Variants in DAB1 observed in about 807,000 individuals in gnomAD.
The protein encoded by DAB1 is disabled homolog 1.
DAB1 carries 15 observed loss-of-function variants against 64.6 expected under a neutral mutation model. The observed-to-expected ratio is 0.23, with a 90% CI of 0.16 to 0.36. The LOEUF is 0.36. Ranked by LOEUF, DAB1 falls within the 10% of genes least tolerant of loss-of-function variation. The probability of loss-of-function intolerance (pLI) is 1.00; values close to 1 mark genes in which losing one functional copy is unlikely to be tolerated. For synonymous variants in DAB1, 235 were observed against 251.9 expected, an observed-to-expected ratio of 0.93 and a Z score of 0.64; for missense variants, 596 against 706.7, an observed-to-expected ratio of 0.84 and a Z score of 1.78.
chr1:57,790,833 A>C (rs1650562286), intron 6 of DAB1, among the ~76,000 whole-genome samples: 1 of 152,150 alleles, frequency 6.6e-6, no homozygotes, highest in African/African-American at 2.4e-5. Flanking sequence ...TTCCTCAATA[A>C]ACTGGTTTTA....
At chr1:57,838,045 A>G (rs1472459999) in intron 1 of DAB1, among the ~76,000 whole-genome samples, 1 of 152,022 alleles carries the variant, frequency 6.6e-6, no homozygotes, top group African/African-American at 2.4e-5. Context: ...GCACTCTGCT[A>G]AGCCTCTCTA....
chr1:57,392,140 A>G (rs755029128), intron 1 of DAB1, among the ~76,000 whole-genome samples: 1 of 152,160 alleles, frequency 6.6e-6, no homozygotes, highest in Non-Finnish European at 1.5e-5. Context: ...TTGGGAGGCC[A>G]AGGCGGACAG....
chr1:57,148,782 C>T (rs1659387240), intron 2 of DAB1, among the ~76,000 whole-genome samples: 1 of 152,174 alleles, frequency 6.6e-6, no homozygotes, highest in South Asian at 2.1e-4. Flanking sequence ...GTCCTCTTTT[C>T]AGAAGACAAC....
chr1:57,362,022 A>C (rs1679591423), intron 1 of DAB1, among the ~76,000 whole-genome samples: 1 of 152,200 alleles, frequency 6.6e-6, no homozygotes. Flanking sequence ...CCTTCACCTT[A>C]GACCTTTGAG....
rs148056761 is a variant in DAB1, at chr1:58,295,082, G to A, written n.309+48270C>T. 1.6e-3 allele frequency among the ~76,000 whole-genome samples: 245 copies of A among 152,184 alleles called. 1 individual carries two copies. Among genetic ancestry groups the A allele is most frequent in the African/African-American group, 5.6e-3 (233 of 41,526 alleles). On this transcript the variant is annotated intron_variant and non_coding_transcript_variant, in intron 4 of 20. Transcript: ENST00000485760. ...AAGCCTTTCCTGACCACATGTTGGT[G>A]GCTTAGGTGCCTCCTCTGAAGAGCT... is the stretch of plus-strand genomic sequence containing the variant.
At chr1:57,198,116 G>A (rs985772977) in intron 2 of DAB1, among the ~76,000 whole-genome samples, 1 of 152,164 alleles carries the variant, frequency 6.6e-6, no homozygotes, top group Admixed American at 6.5e-5. Flanking sequence ...CAATAAGGTG[G>A]AAGGATATTA....
chr1:58,251,850 G>A (rs992915766), intron 4 of DAB1, among the ~76,000 whole-genome samples: 4 of 152,098 alleles, frequency 2.6e-5, no homozygotes, highest in East Asian at 1.9e-4. Context: ...TGAAGGGGGC[G>A]TGGGTGGAAG....
chr1:57,491,030 T>C (rs2691465), intron 7 of DAB1, among the ~76,000 whole-genome samples: 23,929 of 152,240 alleles, frequency 0.16, 4,632 homozygotes, highest in African/African-American at 0.46. Context: ...GAAAAGAGCA[T>C]AGGCTTCGGA....
At chr1:57,603,155 A>G (rs1645595550) in intron 7 of DAB1, among the ~76,000 whole-genome samples, 1 of 152,108 alleles carries the variant, frequency 6.6e-6, no homozygotes, top group Non-Finnish European at 1.5e-5. Context: ...TATTTTTAGT[A>G]GAGAGGGGGG....
At chr1:57,867,618 T>A (rs2101951610) in intron 1 of DAB1, among the ~76,000 whole-genome samples, 1 of 152,302 alleles carries the variant, frequency 6.6e-6, no homozygotes, top group Non-Finnish European at 1.5e-5. Flanking sequence ...GTGCTTGCTT[T>A]GTGCTAGGTG....
intron 6 of DAB1, among the ~76,000 whole-genome samples, chr1:57,810,813 A>T (rs1463830693): frequency 6.6e-6 from 1 of 152,224 alleles, no homozygotes; most frequent in South Asian, 2.1e-4. Flanking sequence ...GCTATAACAA[A>T]TTATCACAAT....
chr1:57,712,950 T>C (rs140911126), intron 6 of DAB1, among the ~76,000 whole-genome samples: 21 of 152,330 alleles, frequency 1.4e-4, no homozygotes, highest in African/African-American at 5.0e-4. Context: ...TTCATATTTT[T>C]CTCGCTGCAT....
chr1:58,190,154 C>A (rs147135998), intron 4 of DAB1, among the ~76,000 whole-genome samples: 159 of 152,256 alleles, frequency 1.0e-3, no homozygotes, highest in African/African-American at 3.7e-3. Flanking sequence ...AGTCTGATGA[C>A]CACTGGATCT....
At chr1:57,527,732 T>C (rs1360944629) in intron 7 of DAB1, among the ~76,000 whole-genome samples, 1 of 152,202 alleles carries the variant, frequency 6.6e-6, no homozygotes, top group African/African-American at 2.4e-5. Flanking sequence ...TATATTTTCA[T>C]ATCTAAGACC....
At chr1:57,945,278 G>C (rs1645167490) in intron 5 of DAB1, among the ~76,000 whole-genome samples, 1 of 151,814 alleles carries the variant, frequency 6.6e-6, no homozygotes, top group African/African-American at 2.4e-5. Context: ...ATCATCATTA[G>C]AGTCAAGGTC....
intron 6 of DAB1, among the ~76,000 whole-genome samples, chr1:57,806,704 C>G (rs1042374211): frequency 2.0e-5 from 3 of 152,194 alleles, no homozygotes; most frequent in African/African-American, 7.2e-5. Context: ...TTCCATCTAC[C>G]TGGAATAGTC....
chr1:58,225,003 C>T (rs1320343919), intron 4 of DAB1, among the ~76,000 whole-genome samples: 2 of 152,280 alleles, frequency 1.3e-5, no homozygotes, highest in Non-Finnish European at 1.5e-5. Flanking sequence ...GCAAAAGAAA[C>T]TACCATCAGA....
intron 7 of DAB1, among the ~76,000 whole-genome samples, chr1:57,434,671 A>G (rs1325313977): frequency 6.6e-6 from 1 of 152,232 alleles, no homozygotes; most frequent in Non-Finnish European, 1.5e-5. Context: ...ACACAAACCC[A>G]GATGGTATAT....
At chr1:57,193,823 G>A (rs12031487) in intron 2 of DAB1, among the ~76,000 whole-genome samples, 11,085 of 149,168 alleles carry the variant, frequency 0.074, 794 homozygotes, top group Admixed American at 0.19. Context: ...GCATAAGAAC[G>A]TGGTCACTTA....
Sources: allele counts gnomAD v4.1 joint callset (sites outside exome capture counted in the v4.1 genomes callset), GRCh38; gene constraint gnomAD v4.1.1; transcripts MANE v1.5; gene names NCBI Gene and HGNC (gene_info 2026-07-23, HGNC 2026-07-21).